COPG2: variants seen among roughly 807,000 people sequenced by gnomAD.
COPG2 encodes the protein coat protein complex I subunit gamma 2.
In COPG2, 37 loss-of-function variants were observed where a neutral mutation model predicts 46.3. That is an observed-to-expected ratio of 0.80 (90% CI 0.61 to 1.05). The LOEUF (loss-of-function observed/expected upper bound fraction) is 1.05, where lower values mean the gene tolerates loss of function less well. COPG2 is among the 50% of genes least tolerant of loss of function. The pLI, the probability that COPG2 is intolerant of heterozygous loss-of-function variation, is 0.00. For missense variants in COPG2, 427 were observed against 387.8 expected (o/e 1.10, Z -0.85); for synonymous variants, 159 against 129.7 (o/e 1.23, Z -1.53).
At chr7:130,532,852 G>C (rs1799842292) in intron 20 of COPG2, among the ~76,000 whole-genome samples, 2 of 152,254 alleles carry the variant, frequency 1.3e-5, no homozygotes, top group African/African-American at 4.8e-5. Flanking sequence ...AGTGGGTGCG[G>C]GGCCTGGTCA....
At position 130,532,506 on chromosome 7, in the gene COPG2, C is replaced by T. The variant is rs922314813; in HGVS notation, c.2149+15168G>A. Among the ~76,000 whole-genome samples, 309 of 151,930 alleles carry T rather than the reference C, an allele frequency of 2.0e-3. 2 individuals carry two copies. Among genetic ancestry groups the T allele is most frequent in the African/African-American group, 6.6e-3 (273 of 41,398 alleles). On this transcript the variant is annotated intron_variant, in intron 20 of 23. Coordinates refer to ENST00000425248, the MANE Select transcript of COPG2 (RefSeq NM_012133.6). The stretch of plus-strand genomic sequence containing the variant: ...GAGCACCCAGGTGGAGCGGAGGAGC[C>T]GGGTCTCAGGCAGGGCAGGAGAGTC...
At chr7:130,516,141 A>G (rs1031526681) in intron 20 of COPG2, among the ~76,000 whole-genome samples, 5 of 152,222 alleles carry the variant, frequency 3.3e-5, no homozygotes, top group Non-Finnish European at 7.3e-5. Context: ...TACAATAGTG[A>G]AGTTAAAATT....
At chr7:130,555,197 CAG>C in intron 12 of COPG2, 65 bp from the exon 13 acceptor site, 1 of 395,396 alleles carries the variant, frequency 2.5e-6, no homozygotes, top group Non-Finnish European at 4.5e-6. Context: ...AAAAAGCAAA[CAG>C]AGAAAAGACA....
chr7:130,538,450 G>A (rs1799905656), intron 20 of COPG2, among the ~76,000 whole-genome samples: 1 of 152,116 alleles, frequency 6.6e-6, no homozygotes, highest in Non-Finnish European at 1.5e-5. Flanking sequence ...TTCCCCAAAT[G>A]GGGTTTTATC....
intron 9 of COPG2, among the ~76,000 whole-genome samples, chr7:130,593,684 A>C (rs1191660745): frequency 6.6e-6 from 1 of 152,230 alleles, no homozygotes; most frequent in Non-Finnish European, 1.5e-5. Flanking sequence ...CACATATTTC[A>C]ACTAATGGTG....
chr7:130,660,154 G>A (rs151208106), intron 4 of COPG2, among the ~76,000 whole-genome samples: 14 of 152,128 alleles, frequency 9.2e-5, no homozygotes, highest in Admixed American at 8.5e-4. Context: ...CCTCAATTCC[G>A]TATTTTTGCC....
At chr7:130,518,808 A>G (rs1799700602) in intron 20 of COPG2, among the ~76,000 whole-genome samples, 1 of 152,142 alleles carries the variant, frequency 6.6e-6, no homozygotes, top group African/African-American at 2.4e-5. Flanking sequence ...GTTCGAGACC[A>G]GCCTGGCCAA....
chr7:130,559,581 G>C (rs1417536696), intron 12 of COPG2, among the ~76,000 whole-genome samples: 1 of 152,140 alleles, frequency 6.6e-6, no homozygotes, highest in Non-Finnish European at 1.5e-5. Flanking sequence ...ACTAATGCCT[G>C]TACCCTAAGT....
chr7:130,609,325 T>A (rs1554451691), intron 9 of COPG2, among the ~76,000 whole-genome samples: 1 of 152,208 alleles, frequency 6.6e-6, no homozygotes, highest in Non-Finnish European at 1.5e-5. Flanking sequence ...CCCATGCTGT[T>A]CTCATGACAG....
intron 9 of COPG2, among the ~76,000 whole-genome samples, chr7:130,568,657 A>T (rs1450937700): frequency 6.6e-6 from 1 of 152,198 alleles, no homozygotes; most frequent in African/African-American, 2.4e-5. Context: ...GGTCATCAAG[A>T]CAGAAAGTCA....
chr7:130,540,434 T>TGG (rs1799924845), intron 20 of COPG2, among the ~76,000 whole-genome samples: 1 of 151,692 alleles, frequency 6.6e-6, no homozygotes, highest in Non-Finnish European at 1.5e-5. Flanking sequence ...AAACTGACAA[T>TGG]AGTAAGCACC....
intron 20 of COPG2, among the ~76,000 whole-genome samples, chr7:130,514,042 C>T (rs1799653736): frequency 6.6e-6 from 1 of 152,096 alleles, no homozygotes; most frequent in Non-Finnish European, 1.5e-5. Flanking sequence ...AAAGTGTTTC[C>T]CAGAATGGGA....
In COPG2 at chr7:130,537,580, C is replaced by T. The variant is rs988596731; in HGVS notation, c.2149+10094G>A. ...GCTGGGAGAGCAGAGGGTGAGTTTG[C>T]AGCATATGGGAGAGCAGGACAGAGG... is the stretch of plus-strand genomic sequence containing the variant. On this transcript the variant is annotated intron_variant, in intron 20 of 23. Coordinates refer to ENST00000425248, the MANE Select transcript of COPG2 (RefSeq NM_012133.6). Among the ~76,000 whole-genome samples, 1,125 of 151,218 alleles carry T rather than the reference C, an allele frequency of 7.4e-3. 10 individuals are homozygous for T. The highest frequency in any genetic ancestry group is 0.011 in the Non-Finnish European group (750 of 67,678).
At chr7:130,651,507 T>A (rs1554459085) in intron 5 of COPG2, among the ~76,000 whole-genome samples, 16 of 90,220 alleles carry the variant, frequency 1.8e-4, no homozygotes, top group South Asian at 1.4e-3. Flanking sequence ...TTTTTTTTTT[T>A]TTTTTTTTTT....
chr7:130,603,105 T>C lies in COPG2; in HGVS notation c.737+7848A>G, dbSNP rs148591090. Reference sequence around the variant, plus strand: ...ATTATATGGAAAAATAAATATTTACTATCCCTTTAATCTGGTGTTACACAT... The same window carrying C: ...ATTATATGGAAAAATAAATATTTACCATCCCTTTAATCTGGTGTTACACAT... On this transcript the variant is annotated intron_variant, in intron 9 of 23. Coordinates refer to ENST00000425248, the MANE Select transcript of COPG2 (RefSeq NM_012133.6). 4.5e-4 allele frequency among the ~76,000 whole-genome samples: 69 copies of C among 152,340 alleles called. No individual in the cohort carries two copies. The East Asian group carries it at 0.013, about 29-fold the overall frequency.
intron 10 of COPG2, among the ~76,000 whole-genome samples, chr7:130,563,874 C>T (rs879062317): frequency 6.6e-6 from 1 of 150,600 alleles, no homozygotes; most frequent in East Asian, 1.9e-4. Flanking sequence ...CCATTAATAC[C>T]TGAACTAAAT....
chr7:130,557,432 T>C (rs1310788260), intron 12 of COPG2, among the ~76,000 whole-genome samples: 1 of 152,314 alleles, frequency 6.6e-6, no homozygotes, highest in South Asian at 2.1e-4. Context: ...CCCTAACTTA[T>C]GAATTTAACG....
intron 9 of COPG2, among the ~76,000 whole-genome samples, chr7:130,568,157 C>T (rs996280505): frequency 1.3e-5 from 2 of 152,072 alleles, no homozygotes; most frequent in African/African-American, 4.8e-5. Flanking sequence ...TGCCTGTAGT[C>T]CCAGCTACTC....
intron 5 of COPG2, among the ~76,000 whole-genome samples, chr7:130,651,796 G>A (rs2116235821): frequency 6.6e-6 from 1 of 151,796 alleles, no homozygotes; most frequent in South Asian, 2.1e-4. Flanking sequence ...GATTACAGGT[G>A]TGAGCCACCG....
Sources: allele counts gnomAD v4.1 joint callset (sites outside exome capture counted in the v4.1 genomes callset), GRCh38; gene constraint gnomAD v4.1.1; transcripts MANE v1.5; gene names NCBI Gene and HGNC (gene_info 2026-07-23, HGNC 2026-07-21).